The following LRRC4B variants were observed in gnomAD, a reference collection of about 807,000 sequenced individuals.
LRRC4B encodes leucine rich repeat containing 4B.
In LRRC4B, 1 loss-of-function variant was observed where a neutral mutation model predicts 7.3. The observed-to-expected ratio is 0.14, with a 90% CI of 0.05 to 0.65. The LOEUF is 0.65. Among genes scored for constraint, LRRC4B ranks in the 30% least tolerant of loss-of-function variants. The probability of loss-of-function intolerance (pLI) is 0.84; values close to 1 mark genes in which losing one functional copy is unlikely to be tolerated. For synonymous variants in LRRC4B, 500 were observed against 499.2 expected, an observed-to-expected ratio of 1.00 and a Z score of -0.02; for missense variants, 730 against 1,041.6, an observed-to-expected ratio of 0.70 and a Z score of 4.12.
intron 1 of LRRC4B, among the ~76,000 whole-genome samples, chr19:50,564,168 C>T (rs1568739199): frequency 6.6e-6 from 1 of 152,094 alleles, no homozygotes; most frequent in Non-Finnish European, 1.5e-5. Flanking sequence ...AGTGGTGGCC[C>T]TTTGCACCTG....
At chr19:50,557,174 A>G (rs1219112915) in intron 1 of LRRC4B, among the ~76,000 whole-genome samples, 1 of 152,074 alleles carries the variant, frequency 6.6e-6, no homozygotes. Flanking sequence ...AAAGTGGCAG[A>G]ACCTGGAGGC....
At chr19:50,551,253 G>A (rs527257641) in intron 1 of LRRC4B, among the ~76,000 whole-genome samples, 6 of 148,830 alleles carry the variant, frequency 4.0e-5, no homozygotes, top group Non-Finnish European at 7.5e-5. Flanking sequence ...ACATGCCTCC[G>A]GCCAGCCGGG....
In LRRC4B at chr19:50,537,905, G is replaced by A. The variant is rs1227990524; in HGVS notation, c.297+10637C>T. ...CACGAAGTCTCAGCAGCCCGGGAAC[G>A]GACGGCAGAGGGCGCACTGCTCCCT... On this transcript the variant is annotated intron_variant, in intron 2 of 2. Transcript: ENST00000652263. This position sits in a 1 kb window ranked among gnomAD's most constrained non-coding sequence, Gnocchi z 5.5. Among the ~76,000 whole-genome samples, 2 of 152,242 alleles carry A rather than the reference G, an allele frequency of 1.3e-5. No homozygotes were observed. Among genetic ancestry groups the A allele is most frequent in the African/African-American group, 2.4e-5 (1 of 41,534 alleles).
intron 2 of LRRC4B, among the ~76,000 whole-genome samples, chr19:50,542,817 C>G (rs1183151251): frequency 6.6e-6 from 1 of 152,070 alleles, no homozygotes; most frequent in Non-Finnish European, 1.5e-5. Flanking sequence ...ACTATGGGGA[C>G]CACCTACTGT....
intron 1 of LRRC4B, among the ~76,000 whole-genome samples, chr19:50,550,677 G>C (rs1332923807): frequency 6.6e-6 from 1 of 152,218 alleles, no homozygotes; most frequent in Non-Finnish European, 1.5e-5. Flanking sequence ...CAGAGGCAGA[G>C]AGACAGAGGG....
At chr19:50,534,456 G>T (rs1981178958) in intron 2 of LRRC4B, among the ~76,000 whole-genome samples, 1 of 151,850 alleles carries the variant, frequency 6.6e-6, no homozygotes, top group Non-Finnish European at 1.5e-5. Context: ...TTGACATTTT[G>T]TCCTACAGTA....
chr19:50,518,712 G>T lies in LRRC4B; in HGVS notation c.1001C>A (p.Thr334Lys). The change falls in exon 3 of 3, where the codon ACG becomes AAG. Residue 334 changes from threonine (T) to lysine (K), a missense_variant. This residue lies in a region of LRRC4B where 226 missense variants were observed against 448.0 expected (regional missense o/e 0.50). Transcript: ENST00000652263. ...WWLKETVPSN[T>K]TCCARCHAPA... is the part of the protein sequence containing the mutation. Reference sequence around the variant, plus strand: ...CGCATGACAGCGGGCGCAGCACGTCGTGTTGCTGGGCACCGTCTCCTTGAG... The same window carrying T: ...CGCATGACAGCGGGCGCAGCACGTCTTGTTGCTGGGCACCGTCTCCTTGAG... 6.2e-7 allele frequency: 1 copy of T among 1,613,908 alleles called. No individual in the cohort carries two copies. Among genetic ancestry groups the T allele is most frequent in the African/African-American group, 1.3e-5 (1 of 75,064 alleles).
Position 50,519,164 on chromosome 19 carries a change from C to T in LRRC4B, c.549G>A (p.Ser183=). Residue 183 remains serine (S), a synonymous_variant, in exon 3 of 3, where the codon TCG becomes TCA. Transcript: ENST00000652263. The surrounding 1 kb of genome is among the most constrained non-coding windows in gnomAD (Gnocchi z 8.1). ...IPSYAFNRVP[S]LRRLDLGELK... ...GCTCGCCCAGGTCCAGGCGCCGCAG[C>T]GAGGGCACGCGGTTGAAGGCGTAGG... The T allele has an allele frequency of 3.1e-6, 5 of 1,613,498 alleles. No homozygotes were observed. Among genetic ancestry groups the T allele is most frequent in the South Asian group, 1.1e-5 (1 of 91,054 alleles).
chr19:50,536,615 GAC>G (rs1277781034), intron 2 of LRRC4B, among the ~76,000 whole-genome samples: 4 of 152,202 alleles, frequency 2.6e-5, no homozygotes, highest in Non-Finnish European at 5.9e-5. Flanking sequence ...ACACAGGAGG[GAC>G]AGCCCATGCA....
In LRRC4B at chr19:50,537,809, C is replaced by G. The variant is rs1170175216; in HGVS notation, c.297+10733G>C. Among the ~76,000 whole-genome samples the G allele has an allele frequency of 6.6e-6, 1 of 152,096 alleles. No individual in the cohort carries two copies. On this transcript the variant is annotated intron_variant, in intron 2 of 2. Coordinates refer to ENST00000652263, the MANE Select transcript of LRRC4B (RefSeq NM_001080457.2). This position sits in a 1 kb window ranked among gnomAD's most constrained non-coding sequence, Gnocchi z 5.5. ...GTGGTGACAAGGATTATGTGGGCCC[C>G]GAGATGGCGCTGCTGAGGGAATGAA...
chr19:50,546,741 G>GT (rs1555808208), intron 2 of LRRC4B, among the ~76,000 whole-genome samples: 8 of 152,092 alleles, frequency 5.3e-5, no homozygotes, highest in Non-Finnish European at 7.4e-5. Context: ...GAGCCCCCTC[G>GT]CCCCCCCACA....
chr19:50,561,593 G>C (rs1352925267), intron 1 of LRRC4B, among the ~76,000 whole-genome samples: 2 of 151,942 alleles, frequency 1.3e-5, no homozygotes, highest in African/African-American at 2.4e-5. Context: ...AAATTAGCTG[G>C]GTGTGGTGGT....
Position 50,548,933 on chromosome 19 carries a change from G to A in LRRC4B, c.-35-60C>T, listed in dbSNP as rs1316226545. On this transcript the variant is annotated intron_variant, in intron 1 of 2. Coordinates refer to ENST00000652263, the MANE Select transcript of LRRC4B (RefSeq NM_001080457.2). The surrounding 1 kb of genome is among the most constrained non-coding windows in gnomAD (Gnocchi z 6.8). The stretch of plus-strand genomic sequence containing the variant: ...TGAGGGACAGGAGCCCATGTGGCCT[G>A]GGTGCTTGCCAACACCCAGGCAGCC... 11 of 941,680 alleles carry A rather than the reference G, an allele frequency of 1.2e-5. No homozygotes were observed. The highest frequency in any genetic ancestry group is 6.9e-5 in the South Asian group (4 of 57,604). The allele number at this position is 941,680 out of a possible 1,614,324, so 58.3% of individuals were successfully genotyped here.
In LRRC4B at chr19:50,537,049, G is replaced by A. The variant is rs543590235; in HGVS notation, c.297+11493C>T. ...AAGCTGGGGCTTCCAGATGAGCAAG[G>A]ACAAGGCCAGAGCCAGGCTGGGCTG... is the stretch of plus-strand genomic sequence containing the variant. On this transcript the variant is annotated intron_variant, in intron 2 of 2. Transcript: ENST00000652263. The surrounding 1 kb of genome is among the most constrained non-coding windows in gnomAD (Gnocchi z 5.5). Among the ~76,000 whole-genome samples the A allele has an allele frequency of 3.9e-5, 6 of 152,296 alleles. No homozygotes were observed. The highest frequency in any genetic ancestry group is 8.8e-5 in the Non-Finnish European group (6 of 68,012).
Position 50,517,512 on chromosome 19 carries a change from G to A in LRRC4B, c.*59C>T. The A allele has an allele frequency of 3.7e-6, 5 of 1,351,824 alleles. No individual in the cohort carries two copies. The highest frequency in any genetic ancestry group is 3.8e-6 in the Non-Finnish European group (4 of 1,045,972). 83.7% of individuals were successfully genotyped at this position (1,351,824 alleles called of 1,614,324 possible). ...GAGGGAGGGGTCCCGGTCAGGCTGC[G>A]CCCGGGCTGGGACCTGGGTGGGGGG... On this transcript the variant is annotated 3_prime_UTR_variant, in exon 3 of 3. Coordinates refer to ENST00000652263, the MANE Select transcript of LRRC4B (RefSeq NM_001080457.2). This position sits in a 1 kb window ranked among gnomAD's most constrained non-coding sequence, Gnocchi z 6.6.
chr19:50,551,872 T>G (rs1599782124), intron 1 of LRRC4B, among the ~76,000 whole-genome samples: 2 of 137,884 alleles, frequency 1.5e-5, no homozygotes, highest in Non-Finnish European at 3.2e-5. Context: ...TCCCCACCCC[T>G]CCCTCCTTCT....
chr19:50,567,913 C>T (rs564864690), intron 1 of LRRC4B, 31 bp downstream of exon 1: 4 of 146,218 alleles, frequency 2.7e-5, no homozygotes, highest in East Asian at 4.2e-4. Context: ...CGGCCCCCGC[C>T]CCCGACCCGT....
rs558930366 is a variant in LRRC4B at position 50,537,171 on chromosome 19, G to A, written c.297+11371C>T. On this transcript the variant is annotated intron_variant, in intron 2 of 2. Coordinates refer to ENST00000652263, the MANE Select transcript of LRRC4B (RefSeq NM_001080457.2). The surrounding 1 kb of genome is among the most constrained non-coding windows in gnomAD (Gnocchi z 5.5). ...CGAATTAGGAAGCATTACGAATCGC[G>A]TTGAAAAAACCAAGTTCTGCAGCCA... Among the ~76,000 whole-genome samples the A allele has an allele frequency of 3.3e-5, 5 of 152,270 alleles. No individual in the cohort carries two copies. The South Asian group carries it at 6.2e-4, about 19-fold the overall frequency.
intron 2 of LRRC4B, among the ~76,000 whole-genome samples, chr19:50,539,141 G>A (rs1271281108): frequency 6.6e-6 from 1 of 152,204 alleles, no homozygotes; most frequent in African/African-American, 2.4e-5. Flanking sequence ...GCTTCCCAAA[G>A]TGCTGGGATT....
Sources: gnomAD v4.1 joint callset for allele counts (sites outside exome capture counted in the v4.1 genomes callset) on GRCh38, gnomAD v4.1.1 for gene constraint, gnomAD v4.1.1 regional missense constraint, Gnocchi (gnomAD v3.1) non-coding constraint, MANE v1.5 for transcripts, NCBI Gene and HGNC (gene_info 2026-07-23, HGNC 2026-07-21) for gene names.